GPM6A: variants seen among roughly 807,000 people sequenced by gnomAD.
The protein encoded by GPM6A is neuronal membrane glycoprotein M6-a.
A neutral mutation model predicts 32.1 loss-of-function variants in GPM6A; 7 were observed. The ratio of observed to expected loss-of-function variants is 0.22; its 90% CI spans 0.12 to 0.41. The LOEUF is 0.41. Ranked by LOEUF, GPM6A falls within the 10% of genes least tolerant of loss-of-function variation. GPM6A has a pLI of 1.00. For synonymous variants in GPM6A, 130 were observed against 123.4 expected, an observed-to-expected ratio of 1.05 and a Z score of -0.35; for missense variants, 235 against 347.2, an observed-to-expected ratio of 0.68 and a Z score of 2.57.
At chr4:175,799,480 T>A (rs533066947) in intron 1 of GPM6A, among the ~76,000 whole-genome samples, 25 of 152,218 alleles carry the variant, frequency 1.6e-4, no homozygotes, top group African/African-American at 5.8e-4. Context: ...AGAACAGTTT[T>A]GCTAACTTAA....
intron 1 of GPM6A, among the ~76,000 whole-genome samples, chr4:175,885,896 C>T (rs1189434787): frequency 6.6e-6 from 1 of 152,046 alleles, no homozygotes; most frequent in Non-Finnish European, 1.5e-5. Flanking sequence ...CTTAATAAAT[C>T]TATGAAACAG....
At chr4:175,674,401 C>A (rs1280270367) in intron 2 of GPM6A, among the ~76,000 whole-genome samples, 2 of 152,078 alleles carry the variant, frequency 1.3e-5, no homozygotes, top group African/African-American at 4.8e-5. Context: ...GGTTCAAACT[C>A]CTGAGCTCAG....
At chr4:175,965,739 T>C (rs980751857) in intron 1 of GPM6A, among the ~76,000 whole-genome samples, 1 of 151,622 alleles carries the variant, frequency 6.6e-6, no homozygotes, top group Admixed American at 6.6e-5. Context: ...TCAGCCTCCC[T>C]AGTAGCTGGG....
At chr4:175,847,864 A>C (rs115717091) in intron 1 of GPM6A, among the ~76,000 whole-genome samples, 172 of 152,296 alleles carry the variant, frequency 1.1e-3, no homozygotes, top group African/African-American at 3.7e-3. Flanking sequence ...AAAAGCCATT[A>C]AATTTGTGGA....
At chr4:175,779,401 C>T (rs946902377) in intron 1 of GPM6A, among the ~76,000 whole-genome samples, 3 of 152,146 alleles carry the variant, frequency 2.0e-5, no homozygotes, top group Admixed American at 6.6e-5. Flanking sequence ...TTCCAAAGCA[C>T]GTTATATTTC....
At chr4:175,847,120 T>G (rs1243642616) in intron 1 of GPM6A, among the ~76,000 whole-genome samples, 2 of 152,180 alleles carry the variant, frequency 1.3e-5, no homozygotes, top group Non-Finnish European at 2.9e-5. Context: ...GAAAGCAGTT[T>G]GGTGTAATAA....
intron 4 of GPM6A, among the ~76,000 whole-genome samples, chr4:175,643,469 T>G (rs988806530): frequency 7.9e-5 from 12 of 152,164 alleles, no homozygotes; most frequent in Non-Finnish European, 1.3e-4. Flanking sequence ...CACATTGGCT[T>G]GGTAACTTAG....
chr4:175,827,879 C>G (rs1735488281), intron 1 of GPM6A, among the ~76,000 whole-genome samples: 1 of 152,186 alleles, frequency 6.6e-6, no homozygotes, highest in Non-Finnish European at 1.5e-5. Flanking sequence ...AAACATTAGT[C>G]TGCTTCTTCC....
chr4:175,952,050 C>T (rs72704551), intron 1 of GPM6A, among the ~76,000 whole-genome samples: 3,650 of 152,336 alleles, frequency 0.024, 78 homozygotes, highest in South Asian at 0.056. Flanking sequence ...AAATCTCCTT[C>T]CACACAGACA....
intron 1 of GPM6A, among the ~76,000 whole-genome samples, chr4:175,873,402 G>A (rs955101250): frequency 1.3e-5 from 2 of 151,870 alleles, no homozygotes; most frequent in East Asian, 1.9e-4. Context: ...TCTTCTATGT[G>A]TGAATGTTCC....
chr4:175,665,594 A>C (rs1742705230), intron 3 of GPM6A, among the ~76,000 whole-genome samples: 1 of 151,692 alleles, frequency 6.6e-6, no homozygotes, highest in African/African-American at 2.4e-5. Flanking sequence ...GACCAGCCTG[A>C]CCAACATGAT....
intron 1 of GPM6A, among the ~76,000 whole-genome samples, chr4:175,895,069 A>G (rs1737756480): frequency 6.6e-6 from 1 of 152,196 alleles, no homozygotes; most frequent in Admixed American, 6.5e-5. Flanking sequence ...CGATAGAGTG[A>G]GAAACCATGA....
chr4:175,786,046 T>G (rs769396543), intron 1 of GPM6A, among the ~76,000 whole-genome samples: 2 of 152,140 alleles, frequency 1.3e-5, no homozygotes, highest in Non-Finnish European at 2.9e-5. Flanking sequence ...TTCCAAGCTG[T>G]GACCCAAGGC....
intron 1 of GPM6A, among the ~76,000 whole-genome samples, chr4:175,708,716 T>A (rs1745355886): frequency 6.6e-6 from 1 of 152,118 alleles, no homozygotes; most frequent in African/African-American, 2.4e-5. Context: ...GGTGCCAAAA[T>A]AGATTGAGAT....
intron 6 of GPM6A, among the ~76,000 whole-genome samples, chr4:175,637,267 T>TTATATATTATATATAATATATAA (rs1740724779): frequency 1.9e-5 from 1 of 52,160 alleles, no homozygotes; most frequent in Non-Finnish European, 3.5e-5. Context: ...AAAATATATA[T>TTATATATTATATATAATATATAA]TATATATTAT....
At chr4:175,884,686 G>A (rs758048264) in intron 1 of GPM6A, among the ~76,000 whole-genome samples, 1 of 151,742 alleles carries the variant, frequency 6.6e-6, no homozygotes, top group Non-Finnish European at 1.5e-5. Flanking sequence ...TGCCCACCAA[G>A]AGCCCGGCTA....
chr4:175,651,666 T>C (rs1314997127), intron 4 of GPM6A, among the ~76,000 whole-genome samples, 168 bp downstream of exon 4: 3 of 152,192 alleles, frequency 2.0e-5, no homozygotes, highest in Non-Finnish European at 2.9e-5. Flanking sequence ...GACTTTCTAC[T>C]TTAAATTTAA....
chr4:175,936,964 T>G (rs939291305), intron 1 of GPM6A, among the ~76,000 whole-genome samples: 1 of 152,156 alleles, frequency 6.6e-6, no homozygotes, highest in African/African-American at 2.4e-5. Context: ...TTGTGGAGTT[T>G]AGAGAGATGG....
At chr4:175,718,540 C>T (rs372548684) in intron 1 of GPM6A, among the ~76,000 whole-genome samples, 36 of 152,130 alleles carry the variant, frequency 2.4e-4, no homozygotes, top group African/African-American at 7.5e-4. Context: ...CGCTTGAGCC[C>T]GGGAGACGGC....
Sources: gnomAD v4.1 joint callset for allele counts (sites outside exome capture counted in the v4.1 genomes callset) on GRCh38, gnomAD v4.1.1 for gene constraint, MANE v1.5 for transcripts, NCBI Gene and HGNC (gene_info 2026-07-23, HGNC 2026-07-21) for gene names.